The following ARL10 variants were observed in gnomAD, a reference collection of about 807,000 sequenced individuals.
ARL10 encodes the protein ARF like GTPase 10, also known as ADP-ribosylation factor-like protein 10.
Under a neutral mutation model 26.1 loss-of-function variants are expected in ARL10, and 23 were observed. The ratio of observed to expected loss-of-function variants is 0.88; its 90% CI spans 0.63 to 1.25. ARL10 has a LOEUF of 1.25. ARL10 is among the 50% of genes most tolerant of loss of function. The probability of loss-of-function intolerance (pLI) is 0.00; values close to 1 mark genes in which losing one functional copy is unlikely to be tolerated. For synonymous variants in ARL10, 138 were observed against 149.1 expected (o/e 0.93, Z 0.54); for missense variants, 300 against 323.6 (o/e 0.93, Z 0.56).
chr5:176,400,771 G>A (rs547227392), intron 1 of ARL10, among the ~76,000 whole-genome samples: 176 of 152,258 alleles, frequency 1.2e-3, no homozygotes, highest in African/African-American at 4.0e-3. Context: ...TCTCCACACA[G>A]GAGTGTCTGG....
chr5:176,406,846 G>A, downstream of ARL10: 2 of 561,404 alleles, frequency 3.6e-6, no homozygotes, highest in Non-Finnish European at 2.6e-6. Flanking sequence ...AAGAGCTGGG[G>A]CTTTCCACCT....
chr5:176,411,773 C>A, the ARL10 span, among the ~76,000 whole-genome samples: 2 of 152,158 alleles, frequency 1.3e-5, no homozygotes, highest in Non-Finnish European at 2.9e-5. Context: ...CCTGCCCATT[C>A]CTGACTCACT....
chr5:176,407,115 C>CG, the ARL10 span, among the ~76,000 whole-genome samples: 1 of 152,128 alleles, frequency 6.6e-6, no homozygotes, highest in Admixed American at 6.6e-5. Context: ...AAGGAGGCCC[C>CG]GGGCTCCTCA....
chr5:176,412,929 T>C, the ARL10 span, among the ~76,000 whole-genome samples: 1 of 152,084 alleles, frequency 6.6e-6, no homozygotes, highest in Non-Finnish European at 1.5e-5. Context: ...GTCTGTACAT[T>C]TGGCCTTCTC....
Position 176,375,450 on chromosome 5 carries a change from C to T in ARL10, c.*3555C>T, listed in dbSNP as rs1436556498. The stretch of plus-strand genomic sequence containing the variant: ...ACTTTAATTTCCATACAGTTGGCAC[C>T]TCACTGCCGCCAAAAGTGAGTCCGC... On this transcript the variant is annotated 3_prime_UTR_variant, in exon 4 of 4. Coordinates refer to ENST00000310389, the MANE Select transcript of ARL10 (RefSeq NM_173664.6). The T allele has an allele frequency of 1.3e-5, 2 of 152,086 alleles. No individual in the cohort carries two copies. The highest frequency in any genetic ancestry group is 2.9e-5 in the Non-Finnish European group (2 of 68,026). The allele number at this position is 152,086 out of a possible 1,614,324, so 9.4% of individuals were successfully genotyped here.
downstream of ARL10, chr5:176,385,143 AG>A (rs772059445): frequency 1.2e-6 from 1 of 818,798 alleles, no homozygotes. Flanking sequence ...TTCAGGAAAC[AG>A]GTGCTGCGCA....
downstream of ARL10, chr5:176,392,432 AAACCG>A (rs1756292890): frequency 4.5e-6 from 1 of 223,534 alleles, no homozygotes; most frequent in Non-Finnish European, 8.9e-6. This position sits in a 1 kb window ranked among gnomAD's most constrained non-coding sequence, Gnocchi z 5.2. Context: ...TTCTAAGCAC[AAACCG>A]AGCCCTGACA....
chr5:176,402,025 G>A (rs953921480), downstream of ARL10, among the ~76,000 whole-genome samples: 2 of 152,158 alleles, frequency 1.3e-5, no homozygotes, highest in Admixed American at 6.5e-5. Flanking sequence ...AAAGGCAGCC[G>A]GGCACGGTGG....
Position 176,366,102 on chromosome 5 carries a change from C to G in ARL10, c.184-278C>G, listed in dbSNP as rs1173412078. On this transcript the variant is annotated intron_variant, in intron 1 of 3. Coordinates refer to ENST00000310389, the MANE Select transcript of ARL10 (RefSeq NM_173664.6). Reference sequence around the variant, plus strand: ...CGGCGCCTGCGCAGTGCACCCCGCCCGGGGGTGGGGATGTCGGGAGAAACC... The same window carrying G: ...CGGCGCCTGCGCAGTGCACCCCGCCGGGGGGTGGGGATGTCGGGAGAAACC... Among the ~76,000 whole-genome samples, 7 of 152,298 alleles carry G rather than the reference C, an allele frequency of 4.6e-5. No individual in the cohort carries two copies. In the South Asian group the frequency reaches 1.4e-3, roughly 32 times the overall value.
At chr5:176,406,229 G>C, downstream of ARL10, 1 of 1,009,070 alleles carries the variant, frequency 9.9e-7, no homozygotes, top group Non-Finnish European at 1.2e-6. Flanking sequence ...AGCGGCTAGA[G>C]CAATGTTCTG....
downstream of ARL10, chr5:176,389,045 A>T: frequency 6.4e-7 from 1 of 1,573,954 alleles, no homozygotes; most frequent in South Asian, 1.1e-5. Flanking sequence ...GAGAAGGACC[A>T]GAGCGCTAGC....
At chr5:176,400,964 AAGGGCAGGCC>A (rs750189890) in intron 1 of ARL10, among the ~76,000 whole-genome samples, 13 of 152,144 alleles carry the variant, frequency 8.5e-5, no homozygotes, top group African/African-American at 1.7e-4. Flanking sequence ...GGAGTGAGGG[AAGGGCAGGCC>A]AGGGCAGGCC....
downstream of ARL10, chr5:176,406,079 A>G (rs564501881): frequency 2.4e-3 from 2,181 of 898,536 alleles, no homozygotes; most frequent in Non-Finnish European, 2.8e-3. Flanking sequence ...CTCAGAACTT[A>G]TTTTCCTGCC....
downstream of ARL10, chr5:176,389,360 T>C: frequency 6.2e-7 from 1 of 1,614,010 alleles, no homozygotes; most frequent in South Asian, 1.1e-5. Context: ...CGCCCTCACC[T>C]ACGGCCTCTA....
At chr5:176,365,894 G>A in intron 1 of ARL10, 148 bp downstream of exon 1, 2 of 897,586 alleles carry the variant, frequency 2.2e-6, no homozygotes, top group Non-Finnish European at 1.5e-6. Context: ...CACAGGCCCC[G>A]CGCGGGTGGG....
the ARL10 span, among the ~76,000 whole-genome samples, chr5:176,412,068 C>T: frequency 4.7e-5 from 7 of 148,976 alleles, no homozygotes; most frequent in Middle Eastern, 3.5e-3. Context: ...CCCAGCCACT[C>T]GGGAGGCTGA....
At position 176,366,597 on chromosome 5, in the gene ARL10, A is replaced by G; in HGVS notation, c.385+16A>G. ...CTGCTAGAAAGTGAGCGGACACCCTACCCCATCTCCCCGTCTCCTCTACTG... is the reference window on the plus strand; with the variant it reads ...CTGCTAGAAAGTGAGCGGACACCCTGCCCCATCTCCCCGTCTCCTCTACTG... On this transcript the variant is annotated intron_variant, in intron 2 of 3. Coordinates refer to ENST00000310389, the MANE Select transcript of ARL10 (RefSeq NM_173664.6). The G allele has an allele frequency of 6.2e-7, 1 of 1,612,760 alleles. No individual in the cohort carries two copies. Among genetic ancestry groups the G allele is most frequent in the Non-Finnish European group, 8.5e-7 (1 of 1,179,550 alleles).
intron 1 of ARL10, among the ~76,000 whole-genome samples, chr5:176,398,643 C>T (rs559736844): frequency 6.7e-6 from 1 of 150,300 alleles, no homozygotes; most frequent in African/African-American, 2.4e-5. Context: ...ACCCGGGAGG[C>T]AGAGGTTGCA....
chr5:176,397,949 C>A, intron 1 of ARL10: 1 of 1,614,030 alleles, frequency 6.2e-7, no homozygotes, highest in African/African-American at 1.3e-5. Flanking sequence ...GCAGCCGTTT[C>A]CTCTGCTCCT....
Sources: allele counts gnomAD v4.1 joint callset (sites outside exome capture counted in the v4.1 genomes callset), GRCh38; gene constraint gnomAD v4.1.1; non-coding constraint Gnocchi (gnomAD v3.1); transcripts MANE v1.5; gene names NCBI Gene and HGNC (gene_info 2026-07-23, HGNC 2026-07-21).